The following POC1B variants were observed in gnomAD, a reference collection of about 807,000 sequenced individuals.
POC1B encodes POC1 centriolar protein homolog B.
Under a neutral mutation model 60.6 loss-of-function variants are expected in POC1B, and 44 were observed. The observed-to-expected ratio is 0.73, with a 90% CI of 0.57 to 0.93. The LOEUF is 0.93. Among genes scored for constraint, POC1B ranks in the 40% least tolerant of loss-of-function variants. The pLI is 0.00. For synonymous variants in POC1B, 180 were observed against 198.9 expected (o/e 0.90, Z 0.80); for missense variants, 555 against 572.3 (o/e 0.97, Z 0.31).
chr12:89,510,874 C>T (rs1443781591), intron 2 of POC1B, among the ~76,000 whole-genome samples: 1 of 151,120 alleles, frequency 6.6e-6, no homozygotes, highest in East Asian at 2.0e-4. Flanking sequence ...TCTCCTGCCT[C>T]AGCCTCCCAA....
chr12:89,501,192 T>C, intron 2 of POC1B: 2 of 1,428,742 alleles, frequency 1.4e-6, no homozygotes, highest in Non-Finnish European at 2.0e-6. Context: ...ATGACAAACA[T>C]TCCCATAAAC....
chr12:89,467,171 C>T (rs1340915077), intron 8 of POC1B, among the ~76,000 whole-genome samples: 1 of 150,830 alleles, frequency 6.6e-6, no homozygotes, highest in African/African-American at 2.4e-5. Context: ...TTAAAATCCT[C>T]TTTTTTTTTG....
chr12:89,505,069 A>G (rs1869829873), intron 2 of POC1B, among the ~76,000 whole-genome samples: 1 of 152,260 alleles, frequency 6.6e-6, no homozygotes, highest in Non-Finnish European at 1.5e-5. Flanking sequence ...CATATGGTCA[A>G]TAAACATATG....
At chr12:89,434,679 A>C (rs1465109557) in intron 10 of POC1B, among the ~76,000 whole-genome samples, 1 of 152,244 alleles carries the variant, frequency 6.6e-6, no homozygotes, top group Non-Finnish European at 1.5e-5. Context: ...TCAAAAGGGA[A>C]AACAAGTAGC....
Position 89,492,063 on chromosome 12 carries a change from C to T in POC1B, c.325G>A (p.Asp109Asn), listed in dbSNP as rs753857035. ...AGAAACTGGCCATCAGCTGAAAAGT[C>T]TACACTTCGAACTGGAGCTGTATGA... is the stretch of plus-strand genomic sequence containing the variant. Reference protein sequence around the residue: ...KAHTAPVRSVDFSADGQFLAT... With the variant: ...KAHTAPVRSVNFSADGQFLAT... Residue 109 changes from aspartate (D) to asparagine (N), a missense_variant, in exon 4 of 12, where the codon GAC (aspartate) becomes AAC (asparagine). Transcript: ENST00000313546. 8 of 1,606,016 alleles carry T rather than the reference C, an allele frequency of 5.0e-6. No homozygotes were observed. Among genetic ancestry groups the T allele is most frequent in the Middle Eastern group, 1.7e-4 (1 of 6,050 alleles).
chr12:89,456,200 T>C (rs1438593306), intron 10 of POC1B, among the ~76,000 whole-genome samples: 1 of 152,138 alleles, frequency 6.6e-6, no homozygotes, highest in Non-Finnish European at 1.5e-5. Context: ...TTTGTAGTTT[T>C]AGTAGAGGAG....
chr12:89,524,034 C>T (rs1300759943), intron 2 of POC1B: 1 of 1,613,472 alleles, frequency 6.2e-7, no homozygotes, highest in Non-Finnish European at 8.5e-7. Flanking sequence ...AGTCATCCAC[C>T]AAGATGATCT....
chr12:89,514,402 C>CTTTTTTTTTTTTTTTTTTTTTTTTT lies in POC1B; in HGVS notation c.100+10693_100+10717dup, dbSNP rs60679774. On this transcript the variant is annotated intron_variant, in intron 2 of 11. Coordinates refer to ENST00000313546, the MANE Select transcript of POC1B (RefSeq NM_172240.3). ...ATAAGTTACTCAGTTTCATGTATTT[C>CTTTTTTTTTTTTTTTTTTTTTTTTT]TTTTTTTTTTTTTTTTTTTTTTTTT... Among the ~76,000 whole-genome samples the CTTTTTTTTTTTTTTTTTTTTTTTTT allele has an allele frequency of 4.5e-5, 3 of 67,088 alleles. 1 individual carries two copies. Among genetic ancestry groups the CTTTTTTTTTTTTTTTTTTTTTTTTT allele is most frequent in the Non-Finnish European group, 7.8e-5 (3 of 38,364 alleles). 44.0% of individuals were successfully genotyped at this position (67,088 alleles called of 152,430 possible). A position where few individuals can be genotyped will look rare whatever the true frequency, so the allele number is the denominator to read the frequency against.
chr12:89,413,468 A>AT, the POC1B span, among the ~76,000 whole-genome samples: 1 of 152,114 alleles, frequency 6.6e-6, no homozygotes, highest in Admixed American at 6.6e-5. Context: ...AAATGCTGGG[A>AT]TAATAGATGT....
intron 10 of POC1B, among the ~76,000 whole-genome samples, chr12:89,447,350 T>C (rs1222991093): frequency 6.6e-6 from 1 of 152,170 alleles, no homozygotes; most frequent in Admixed American, 6.5e-5. Context: ...CATTGAAATA[T>C]GTAAGTGATT....
chr12:89,411,350 C>T, the POC1B span, among the ~76,000 whole-genome samples: 3 of 152,218 alleles, frequency 2.0e-5, no homozygotes, highest in African/African-American at 7.2e-5. Context: ...GGAGGCATCA[C>T]GCTGCCTAGA....
intron 4 of POC1B, among the ~76,000 whole-genome samples, chr12:89,474,989 T>C (rs1465435494): frequency 1.3e-5 from 2 of 152,158 alleles, no homozygotes; most frequent in African/African-American, 2.4e-5. Context: ...TGTCAGTACC[T>C]GGCACTGGGC....
the POC1B span, among the ~76,000 whole-genome samples, chr12:89,406,754 GT>G: frequency 3.3e-5 from 5 of 151,898 alleles, no homozygotes; most frequent in Middle Eastern, 3.4e-3. Flanking sequence ...AAAACTGGAG[GT>G]TATCGCCATG....
intron 9 of POC1B, chr12:89,460,747 T>G (rs1212895998): frequency 1.3e-5 from 2 of 152,152 alleles, no homozygotes; most frequent in African/African-American, 4.8e-5. Flanking sequence ...TCAATATAAT[T>G]CCATTTACAT....
At chr12:89,467,151 T>C (rs962699462) in intron 8 of POC1B, among the ~76,000 whole-genome samples, 3 of 152,160 alleles carry the variant, frequency 2.0e-5, no homozygotes, top group Non-Finnish European at 2.9e-5. Flanking sequence ...TAAGAAAATA[T>C]CTGGTTATCT....
At chr12:89,507,834 C>T (rs1476835311) in intron 2 of POC1B, among the ~76,000 whole-genome samples, 2 of 152,232 alleles carry the variant, frequency 1.3e-5, no homozygotes, top group African/African-American at 4.8e-5. Flanking sequence ...AGCTTTCTCA[C>T]TCATTGATTT....
At chr12:89,518,664 G>A (rs1046319148) in intron 2 of POC1B, among the ~76,000 whole-genome samples, 6 of 151,964 alleles carry the variant, frequency 3.9e-5, no homozygotes, top group South Asian at 2.1e-4. Flanking sequence ...CTCTGTTAGC[G>A]TTCTCTATTC....
intron 2 of POC1B, chr12:89,519,987 C>T (rs1366279208): frequency 6.6e-6 from 1 of 152,110 alleles, no homozygotes; most frequent in African/African-American, 2.4e-5. Context: ...CCAAAGAGAG[C>T]TTTGGTACCA....
intron 10 of POC1B, among the ~76,000 whole-genome samples, chr12:89,431,944 A>T (rs997277776): frequency 2.0e-5 from 3 of 152,178 alleles, no homozygotes; most frequent in South Asian, 2.1e-4. Flanking sequence ...GGCTGTCCAC[A>T]TTCCTTAGCC....
Sources: allele counts gnomAD v4.1 joint callset (sites outside exome capture counted in the v4.1 genomes callset), GRCh38; gene constraint gnomAD v4.1.1; transcripts MANE v1.5; gene names NCBI Gene and HGNC (gene_info 2026-07-23, HGNC 2026-07-21).